MARCHF1: variants seen among roughly 807,000 people sequenced by gnomAD.
MARCHF1 encodes E3 ubiquitin-protein ligase MARCHF1.
MARCHF1 carries 40 observed loss-of-function variants against 54.2 expected under a neutral mutation model. The ratio of observed to expected loss-of-function variants is 0.74; its 90% CI spans 0.57 to 0.96. The LOEUF (loss-of-function observed/expected upper bound fraction) is 0.96, where lower values mean the gene tolerates loss of function less well. MARCHF1 is among the 40% of genes least tolerant of loss of function. The pLI, the probability that MARCHF1 is intolerant of heterozygous loss-of-function variation, is 0.00. For missense variants in MARCHF1, 586 were observed against 656.5 expected (o/e 0.89, Z 1.17); for synonymous variants, 236 against 236.3 (o/e 1.00, Z 0.01).
At chr4:163,920,921 A>T (rs149822172) in intron 3 of MARCHF1, among the ~76,000 whole-genome samples, 17 of 152,358 alleles carry the variant, frequency 1.1e-4, no homozygotes, top group Admixed American at 1.1e-3. Flanking sequence ...AGAAAAAAGT[A>T]AAAAGCATTC....
At chr4:163,686,994 T>C (rs1169035677) in intron 5 of MARCHF1, among the ~76,000 whole-genome samples, 1 of 152,242 alleles carries the variant, frequency 6.6e-6, no homozygotes, top group African/African-American at 2.4e-5. Flanking sequence ...CATAGATTAA[T>C]GATTTTCAAA....
intron 4 of MARCHF1, among the ~76,000 whole-genome samples, chr4:163,753,188 A>G (rs540883633): frequency 6.6e-6 from 1 of 152,126 alleles, no homozygotes; most frequent in African/African-American, 2.4e-5. Flanking sequence ...GGTTTTAAAA[A>G]TTTCAAATTT....
At chr4:164,131,514 A>G (rs1453532224) in intron 1 of MARCHF1, among the ~76,000 whole-genome samples, 2 of 152,170 alleles carry the variant, frequency 1.3e-5, no homozygotes, top group Non-Finnish European at 2.9e-5. Context: ...TCAAGGTAAT[A>G]GTTTTTAAGA....
intron 2 of MARCHF1, among the ~76,000 whole-genome samples, chr4:164,069,531 C>T (rs1754814942): frequency 6.6e-6 from 1 of 152,072 alleles, no homozygotes; most frequent in South Asian, 2.1e-4. Context: ...TCCAGACACG[C>T]CGCCTTAAGA....
chr4:164,208,068 C>T (rs1173209732), intron 1 of MARCHF1, among the ~76,000 whole-genome samples: 1 of 152,114 alleles, frequency 6.6e-6, no homozygotes, highest in African/African-American at 2.4e-5. Flanking sequence ...CAGAGAGGAG[C>T]TTTCTAGGCA....
At chr4:163,763,100 T>G (rs934822152) in intron 4 of MARCHF1, among the ~76,000 whole-genome samples, 6 of 152,222 alleles carry the variant, frequency 3.9e-5, no homozygotes, top group African/African-American at 1.4e-4. Flanking sequence ...AGTTCCTATT[T>G]CACTATAAAT....
At chr4:163,763,266 T>C (rs1165746072) in intron 4 of MARCHF1, among the ~76,000 whole-genome samples, 1 of 152,092 alleles carries the variant, frequency 6.6e-6, no homozygotes, top group African/African-American at 2.4e-5. Flanking sequence ...CTTACTTCTA[T>C]ACCTATTCAG....
chr4:163,568,796 T>C (rs1739735456), intron 8 of MARCHF1, among the ~76,000 whole-genome samples: 2 of 152,232 alleles, frequency 1.3e-5, no homozygotes, highest in South Asian at 4.1e-4. Context: ...CAGGGAGCAG[T>C]GGTCCAAGGA....
At chr4:164,291,354 A>C (rs1483867365) in intron 1 of MARCHF1, among the ~76,000 whole-genome samples, 1 of 152,022 alleles carries the variant, frequency 6.6e-6, no homozygotes, top group Non-Finnish European at 1.5e-5. Context: ...ATTTAAATGC[A>C]ATAAACTTTC....
intron 3 of MARCHF1, among the ~76,000 whole-genome samples, chr4:163,983,575 T>C (rs1467373622): frequency 6.6e-6 from 1 of 152,162 alleles, no homozygotes; most frequent in Admixed American, 6.5e-5. Context: ...ACATTTACTC[T>C]TTGGGGATAA....
chr4:163,616,562 C>T (rs1173859106), intron 5 of MARCHF1, among the ~76,000 whole-genome samples: 22 of 152,040 alleles, frequency 1.4e-4, no homozygotes, highest in Admixed American at 1.4e-3. Flanking sequence ...GATGTTATCT[C>T]ACTCTCCTTA....
At chr4:164,130,597 C>T (rs1056012827) in intron 1 of MARCHF1, among the ~76,000 whole-genome samples, 1 of 152,122 alleles carries the variant, frequency 6.6e-6, no homozygotes, top group African/African-American at 2.4e-5. Flanking sequence ...AATGCTTTGT[C>T]CTTAACAAAG....
intron 1 of MARCHF1, among the ~76,000 whole-genome samples, chr4:164,275,807 C>T (rs551282195): frequency 2.0e-5 from 3 of 152,094 alleles, no homozygotes; most frequent in Non-Finnish European, 4.4e-5. Context: ...TTAGTTGATA[C>T]CAGAGGACTC....
At chr4:164,245,472 G>A (rs1208928415) in intron 1 of MARCHF1, among the ~76,000 whole-genome samples, 1 of 152,110 alleles carries the variant, frequency 6.6e-6, no homozygotes. Context: ...AGCTATCTAT[G>A]ACAAACCCAC....
intron 2 of MARCHF1, among the ~76,000 whole-genome samples, chr4:164,026,257 C>T (rs116763752): frequency 0.018 from 2,698 of 152,110 alleles, 46 homozygotes; most frequent in Non-Finnish European, 0.028. Context: ...CAGCTTGATA[C>T]CAAAATCTGG....
chr4:164,365,271 G>T (rs918871209), intron 1 of MARCHF1, among the ~76,000 whole-genome samples: 15 of 152,010 alleles, frequency 9.9e-5, no homozygotes, highest in Admixed American at 8.5e-4. Context: ...AATATTTAGT[G>T]AAAAAAGGTT....
chr4:164,200,222 G>T (rs555135769), intron 1 of MARCHF1, among the ~76,000 whole-genome samples: 3 of 152,090 alleles, frequency 2.0e-5, no homozygotes, highest in Non-Finnish European at 4.4e-5. Flanking sequence ...CTTACAATTT[G>T]GATTCCTAGT....
chr4:164,033,289 G>C (rs910320987), intron 2 of MARCHF1, among the ~76,000 whole-genome samples: 2 of 151,552 alleles, frequency 1.3e-5, no homozygotes, highest in Admixed American at 1.3e-4. Context: ...ATGGATTAAA[G>C]ACTTAAATGT....
intron 1 of MARCHF1, among the ~76,000 whole-genome samples, chr4:164,300,607 T>C: frequency 6.6e-6 from 1 of 152,136 alleles, no homozygotes; most frequent in East Asian, 1.9e-4. Context: ...AGGGGAGTGA[T>C]CTCAGCTCAC....
Sources: allele counts gnomAD v4.1 joint callset (sites outside exome capture counted in the v4.1 genomes callset), GRCh38; gene constraint gnomAD v4.1.1; transcripts MANE v1.5; gene names NCBI Gene and HGNC (gene_info 2026-07-23, HGNC 2026-07-21).